Variants in HPSE2 observed in about 807,000 individuals in gnomAD.
HPSE2 encodes heparanase 2 (inactive), also known as inactive heparanase-2.
In HPSE2, 38 loss-of-function variants were observed where a neutral mutation model predicts 60.5. The ratio of observed to expected loss-of-function variants is 0.63; its 90% CI spans 0.48 to 0.82. The LOEUF (loss-of-function observed/expected upper bound fraction) is 0.82. Among genes scored for constraint, HPSE2 ranks in the 40% least tolerant of loss-of-function variants. HPSE2 has a pLI of 0.00. For missense variants in HPSE2, 713 were observed against 740.4 expected, an observed-to-expected ratio of 0.96 and a Z score of 0.43; for synonymous variants, 295 against 293.2, an observed-to-expected ratio of 1.01 and a Z score of -0.06.
At chr10:99,085,670 G>A (rs1024358400) in intron 3 of HPSE2, among the ~76,000 whole-genome samples, 2 of 152,194 alleles carry the variant, frequency 1.3e-5, no homozygotes, top group African/African-American at 2.4e-5. Flanking sequence ...GTGATATTAT[G>A]TCTGAGCCTA....
At chr10:99,188,133 G>C (rs945501617) in intron 2 of HPSE2, among the ~76,000 whole-genome samples, 10 of 152,144 alleles carry the variant, frequency 6.6e-5, no homozygotes, top group African/African-American at 2.2e-4. Context: ...TGAGGGACAA[G>C]TGTATATATA....
intron 3 of HPSE2, among the ~76,000 whole-genome samples, chr10:98,946,239 G>A (rs770319716): frequency 1.3e-5 from 2 of 152,026 alleles, no homozygotes; most frequent in Non-Finnish European, 2.9e-5. Context: ...GGAGGCCAAG[G>A]TGGGAGGATT....
chr10:98,478,414 C>G (rs1941107770), intron 11 of HPSE2, among the ~76,000 whole-genome samples: 2 of 151,946 alleles, frequency 1.3e-5, no homozygotes, highest in African/African-American at 4.8e-5. Context: ...GAATGGGGAC[C>G]AGAAGAGAAT....
chr10:99,280,467 G>A, the HPSE2 span, among the ~76,000 whole-genome samples: 5 of 152,232 alleles, frequency 3.3e-5, no homozygotes, highest in Admixed American at 3.3e-4. Context: ...AGATTCATAT[G>A]CATTCCCAAA....
chr10:98,975,366 T>C (rs1345868342), intron 3 of HPSE2, among the ~76,000 whole-genome samples: 2 of 152,162 alleles, frequency 1.3e-5, no homozygotes, highest in Non-Finnish European at 2.9e-5. Context: ...TCTATTTACA[T>C]CAAACTCTAG....
intron 3 of HPSE2, among the ~76,000 whole-genome samples, chr10:98,827,247 C>G (rs780026243): frequency 9.9e-5 from 15 of 151,958 alleles, no homozygotes; most frequent in Non-Finnish European, 1.8e-4. Context: ...GCTCTGTCGC[C>G]CAGGCTGGAG....
At chr10:99,146,613 G>A (rs1197366045) in intron 2 of HPSE2, among the ~76,000 whole-genome samples, 1 of 152,190 alleles carries the variant, frequency 6.6e-6, no homozygotes, top group Non-Finnish European at 1.5e-5. Context: ...TGTAATCCCA[G>A]CACTTTGGGA....
At chr10:98,687,552 T>C (rs1202837840) in intron 6 of HPSE2, among the ~76,000 whole-genome samples, 2 of 152,204 alleles carry the variant, frequency 1.3e-5, no homozygotes, top group Non-Finnish European at 2.9e-5. Context: ...CCCTTTGCCA[T>C]ATAATGTAAC....
At chr10:98,880,002 G>A (rs1952980859) in intron 3 of HPSE2, among the ~76,000 whole-genome samples, 1 of 151,870 alleles carries the variant, frequency 6.6e-6, no homozygotes, top group Non-Finnish European at 1.5e-5. Flanking sequence ...CTGCAGTGCT[G>A]CTCTATTCTG....
chr10:99,218,385 C>T (rs942317326), intron 2 of HPSE2, among the ~76,000 whole-genome samples: 4 of 151,744 alleles, frequency 2.6e-5, no homozygotes, highest in African/African-American at 9.7e-5. Context: ...ACAGGAAATC[C>T]CCCTTACCAC....
At chr10:98,913,633 G>T (rs1954040403) in intron 3 of HPSE2, among the ~76,000 whole-genome samples, 1 of 152,086 alleles carries the variant, frequency 6.6e-6, no homozygotes, top group African/African-American at 2.4e-5. Context: ...AGGAAAAAAT[G>T]GCCTAAAAGC....
At chr10:98,567,056 T>C (rs940591117) in intron 9 of HPSE2, among the ~76,000 whole-genome samples, 6 of 152,190 alleles carry the variant, frequency 3.9e-5, no homozygotes, top group African/African-American at 1.4e-4. Flanking sequence ...TGCACAGATA[T>C]CTCTTGGGGA....
chr10:98,664,918 G>T (rs1196268816), intron 6 of HPSE2, among the ~76,000 whole-genome samples: 1 of 152,016 alleles, frequency 6.6e-6, no homozygotes, highest in Non-Finnish European at 1.5e-5. Context: ...GAATATAATA[G>T]CCACCCCAAC....
chr10:99,248,548 T>C, the HPSE2 span, among the ~76,000 whole-genome samples: 1 of 151,592 alleles, frequency 6.6e-6, no homozygotes, highest in Admixed American at 6.6e-5. Context: ...AAAAGGGAGG[T>C]GTAAAAGTTT....
intron 6 of HPSE2, among the ~76,000 whole-genome samples, chr10:98,686,095 T>C (rs887080438): frequency 6.6e-6 from 1 of 152,184 alleles, no homozygotes; most frequent in African/African-American, 2.4e-5. Context: ...AATCTACTCA[T>C]AGAAACATTC....
chr10:98,724,525 A>C (rs1476326895), intron 4 of HPSE2, among the ~76,000 whole-genome samples: 1 of 152,010 alleles, frequency 6.6e-6, no homozygotes, highest in African/African-American at 2.4e-5. Flanking sequence ...ATCCTTGTTA[A>C]CTTTCTGTCT....
chr10:98,776,019 C>T (rs1950332072), intron 3 of HPSE2, among the ~76,000 whole-genome samples: 1 of 152,118 alleles, frequency 6.6e-6, no homozygotes, highest in South Asian at 2.1e-4. Flanking sequence ...TCCTCAGTCC[C>T]CACAACCATT....
chr10:99,226,467 T>C (rs1007850404), intron 2 of HPSE2, among the ~76,000 whole-genome samples: 5 of 152,050 alleles, frequency 3.3e-5, no homozygotes, highest in South Asian at 2.1e-4. Flanking sequence ...GTTTGACTAA[T>C]GTTTTCTCAT....
the HPSE2 span, among the ~76,000 whole-genome samples, chr10:99,312,991 T>G: frequency 6.6e-6 from 1 of 152,146 alleles, no homozygotes; most frequent in African/African-American, 2.4e-5. Context: ...ATCTAGTCGT[T>G]TATGCCATCA....
Sources: gnomAD v4.1 joint callset for allele counts (sites outside exome capture counted in the v4.1 genomes callset) on GRCh38, gnomAD v4.1.1 for gene constraint, MANE v1.5 for transcripts, NCBI Gene and HGNC (gene_info 2026-07-23, HGNC 2026-07-21) for gene names.